Variants in TRAPPC9 observed in about 807,000 individuals in gnomAD.
The protein encoded by TRAPPC9 is IKK2 binding protein.
In TRAPPC9, 83 loss-of-function variants were observed where a neutral mutation model predicts 124.0. The ratio of observed to expected loss-of-function variants is 0.67; its 90% confidence interval spans 0.56 to 0.80. TRAPPC9 has a LOEUF of 0.80. Ranked by LOEUF, TRAPPC9 falls within the 30% of genes least tolerant of loss-of-function variation. The pLI, the probability that TRAPPC9 is intolerant of heterozygous loss-of-function variation, is 0.00. For synonymous variants in TRAPPC9, 638 were observed against 617.5 expected (o/e 1.03, Z -0.49); for missense variants, 1,302 against 1,508.3 (o/e 0.86, Z 2.27).
intron 7 of TRAPPC9, among the ~76,000 whole-genome samples, chr8:140,381,603 GGCTGCAGTGAGTCGAGATTGT>G (rs1310719660): frequency 1.3e-5 from 2 of 148,902 alleles, no homozygotes; most frequent in East Asian, 2.0e-4. Flanking sequence ...AGGAGGCGGA[GGCTGCAGTGAGTCGAGATTGT>G]GCCACTGCAC....
intron 18 of TRAPPC9, among the ~76,000 whole-genome samples, chr8:140,017,173 AT>A (rs767950690): frequency 2.0e-5 from 3 of 152,194 alleles, no homozygotes; most frequent in South Asian, 4.1e-4. Flanking sequence ...ATATGTTACA[AT>A]TTTTTTATCT....
At chr8:140,277,661 G>T (rs935965753) in intron 14 of TRAPPC9, among the ~76,000 whole-genome samples, 1 of 152,198 alleles carries the variant, frequency 6.6e-6, no homozygotes, top group Non-Finnish European at 1.5e-5. Flanking sequence ...GGTGGGAATC[G>T]GGCTGGCACT....
At chr8:139,764,010 C>T (rs1216055455) in intron 21 of TRAPPC9, among the ~76,000 whole-genome samples, 1 of 152,220 alleles carries the variant, frequency 6.6e-6, no homozygotes, top group Non-Finnish European at 1.5e-5. Context: ...CACGGTAGGT[C>T]TGCCGATGGG....
intron 17 of TRAPPC9, among the ~76,000 whole-genome samples, chr8:140,044,494 A>G (rs907204522): frequency 6.6e-6 from 1 of 152,210 alleles, no homozygotes; most frequent in Non-Finnish European, 1.5e-5. Context: ...CCATGCTAAC[A>G]GACAGCCATG....
intron 21 of TRAPPC9, among the ~76,000 whole-genome samples, chr8:139,808,217 G>A (rs1824200788): frequency 6.6e-6 from 1 of 152,222 alleles, no homozygotes; most frequent in Admixed American, 6.5e-5. Flanking sequence ...CCAGCACTTT[G>A]GGAGGCCGAG....
chr8:140,427,213 C>T (rs1331016698), intron 4 of TRAPPC9, among the ~76,000 whole-genome samples: 3 of 151,196 alleles, frequency 2.0e-5, no homozygotes, highest in African/African-American at 7.3e-5. Context: ...TCTTCTTAAA[C>T]AAGTATGACA....
chr8:139,840,244 T>G (rs59170617), intron 21 of TRAPPC9, among the ~76,000 whole-genome samples: 22,421 of 152,164 alleles, frequency 0.15, 1,933 homozygotes, highest in African/African-American at 0.24. Context: ...GGGAGGTGGC[T>G]TGCAATGGCC....
chr8:140,352,083 T>C (rs978912643), intron 9 of TRAPPC9, among the ~76,000 whole-genome samples: 18 of 152,164 alleles, frequency 1.2e-4, no homozygotes, highest in African/African-American at 4.3e-4. Flanking sequence ...CTATAGTCTA[T>C]TTTGGTCATT....
At position 139,984,321 on chromosome 8, in the gene TRAPPC9, G is replaced by A. The variant is rs1187386109; in HGVS notation, c.2810+4405C>T. The stretch of plus-strand genomic sequence containing the variant: ...AGTGAGAGCACCACCTTCCGCTCCT[G>A]CTGGTAGCGATGAAGCTGGAGTCTC... On this transcript the variant is annotated intron_variant, in intron 19 of 22. Coordinates refer to ENST00000438773, the MANE Select transcript of TRAPPC9 (RefSeq NM_001160372.4). This position sits in a 1 kb window ranked among gnomAD's most constrained non-coding sequence, Gnocchi z 4.3. 1.3e-5 allele frequency among the ~76,000 whole-genome samples: 2 copies of A among 152,188 alleles called. No individual in the cohort carries two copies. The highest frequency in any genetic ancestry group is 2.9e-5 in the Non-Finnish European group (2 of 68,038).
At chr8:140,404,946 G>GTC (rs2069439017) in intron 6 of TRAPPC9, among the ~76,000 whole-genome samples, 1 of 150,882 alleles carries the variant, frequency 6.6e-6, no homozygotes. Flanking sequence ...GTGTGTGTGT[G>GTC]TCTCATAGGC....
chr8:140,050,754 T>A (rs888383906), intron 17 of TRAPPC9, among the ~76,000 whole-genome samples: 4 of 152,052 alleles, frequency 2.6e-5, no homozygotes, highest in Admixed American at 2.6e-4. Context: ...GTCACCAGCC[T>A]GGGGTCCCAC....
rs370194052 is a variant in TRAPPC9 at position 139,937,744 on chromosome 8, C to T, written c.2811-27444G>A. On this transcript the variant is annotated intron_variant, in intron 19 of 22. Transcript: ENST00000438773. ...GAAGGCGCAGTGTGAAGCGGAAATGCGGACGCAAATGTCACGTATTATTAC... is the reference window on the plus strand; with the variant it reads ...GAAGGCGCAGTGTGAAGCGGAAATGTGGACGCAAATGTCACGTATTATTAC... Among the ~76,000 whole-genome samples, 201 of 152,276 alleles carry T rather than the reference C, an allele frequency of 1.3e-3. 3 individuals carry two copies. Among genetic ancestry groups the T allele is most frequent in the African/African-American group, 4.1e-3 (170 of 41,542 alleles).
intron 17 of TRAPPC9, among the ~76,000 whole-genome samples, chr8:140,165,724 C>G (rs565840125): frequency 1.3e-5 from 2 of 152,036 alleles, no homozygotes; most frequent in South Asian, 2.1e-4. Flanking sequence ...CCATAGAGCT[C>G]AAGTATCTTA....
intron 19 of TRAPPC9, among the ~76,000 whole-genome samples, chr8:139,941,543 C>A (rs995746799): frequency 6.6e-6 from 1 of 152,190 alleles, no homozygotes; most frequent in Non-Finnish European, 1.5e-5. Context: ...GTGCCCTCAT[C>A]CTGTTTAGCC....
intron 2 of TRAPPC9, among the ~76,000 whole-genome samples, chr8:140,450,554 T>A (rs904844041): frequency 6.6e-6 from 1 of 152,114 alleles, no homozygotes; most frequent in Non-Finnish European, 1.5e-5. Context: ...GAGGGGAGTG[T>A]ACAAGACAAC....
intron 17 of TRAPPC9, among the ~76,000 whole-genome samples, chr8:140,121,206 T>C (rs1223426296): frequency 6.6e-6 from 1 of 151,982 alleles, no homozygotes. Flanking sequence ...GAAATTTAAG[T>C]GAGGAAGGGG....
intron 20 of TRAPPC9, among the ~76,000 whole-genome samples, chr8:139,886,313 A>C (rs1296528667): frequency 8.5e-5 from 13 of 152,254 alleles, no homozygotes; most frequent in Admixed American, 8.5e-4. Flanking sequence ...AAAATATGCA[A>C]ACTGGTTCAC....
intron 17 of TRAPPC9, among the ~76,000 whole-genome samples, chr8:140,091,526 G>A (rs1205238656): frequency 6.6e-6 from 1 of 152,162 alleles, no homozygotes; most frequent in Non-Finnish European, 1.5e-5. Context: ...TACTTCCTAG[G>A]CACCGCAATG....
intron 17 of TRAPPC9, among the ~76,000 whole-genome samples, chr8:140,113,357 G>C (rs534855026): frequency 6.6e-6 from 1 of 152,384 alleles, no homozygotes; most frequent in South Asian, 2.1e-4. Flanking sequence ...CATCAGGAAA[G>C]TGTCCAGAAG....
Sources: allele counts gnomAD v4.1 joint callset (sites outside exome capture counted in the v4.1 genomes callset), GRCh38; gene constraint gnomAD v4.1.1; non-coding constraint Gnocchi (gnomAD v3.1); transcripts MANE v1.5; gene names NCBI Gene and HGNC (gene_info 2026-07-23, HGNC 2026-07-21).